BAZ2B: variants seen among roughly 807,000 people sequenced by gnomAD.
BAZ2B encodes the protein bromodomain adjacent to zinc finger domain 2B, also known as bromodomain adjacent to zinc finger domain protein 2B.
A neutral mutation model predicts 246.0 loss-of-function variants in BAZ2B; 91 were observed. The ratio of observed to expected loss-of-function variants is 0.37; its 90% CI spans 0.31 to 0.44. The LOEUF (loss-of-function observed/expected upper bound fraction) is 0.44, where lower values mean the gene tolerates loss of function less well. Among genes scored for constraint, BAZ2B ranks in the 20% least tolerant of loss-of-function variants. The probability of loss-of-function intolerance (pLI) is 1.00; values close to 1 mark genes in which losing one functional copy is unlikely to be tolerated. For synonymous variants in BAZ2B, 855 were observed against 860.0 expected (o/e 0.99, Z 0.10); for missense variants, 2,332 against 2,533.7 (o/e 0.92, Z 1.71).
intron 2 of BAZ2B, among the ~76,000 whole-genome samples, chr2:159,520,297 C>T (rs891533776): frequency 1.3e-5 from 2 of 152,082 alleles, no homozygotes; most frequent in African/African-American, 2.4e-5. Flanking sequence ...AAATTTATGT[C>T]CTCCTGCCTC....
intron 13 of BAZ2B, among the ~76,000 whole-genome samples, chr2:159,418,407 C>T (rs1001010129): frequency 1.3e-5 from 2 of 152,088 alleles, no homozygotes; most frequent in Admixed American, 6.6e-5. Flanking sequence ...TTCACCTTAT[C>T]TTATAGACAG....
chr2:159,627,517 T>C, the BAZ2B span, among the ~76,000 whole-genome samples: 5 of 152,090 alleles, frequency 3.3e-5, no homozygotes, highest in African/African-American at 1.2e-4. Flanking sequence ...GTTCAACATA[T>C]GCAAATCAAT....
the BAZ2B span, among the ~76,000 whole-genome samples, chr2:159,622,145 T>C: frequency 6.7e-6 from 1 of 150,000 alleles, no homozygotes; most frequent in African/African-American, 2.5e-5. Flanking sequence ...GGTGCATGCA[T>C]GTAGTCCTAG....
intron 14 of BAZ2B, among the ~76,000 whole-genome samples, chr2:159,408,452 T>C (rs910646159): frequency 1.3e-5 from 2 of 152,110 alleles, no homozygotes; most frequent in Non-Finnish European, 2.9e-5. Flanking sequence ...ATTACACAGG[T>C]ATAAGCCACT....
At chr2:159,322,938 C>G (rs2148747404) in intron 36 of BAZ2B, among the ~76,000 whole-genome samples, 1 of 152,128 alleles carries the variant, frequency 6.6e-6, no homozygotes, top group African/African-American at 2.4e-5. Flanking sequence ...TTCTCTTCCC[C>G]TGTGACTTCC....
At chr2:159,374,656 TGAA>T (rs1488252811) in intron 26 of BAZ2B, 32 bp downstream of exon 26, 2 of 1,566,356 alleles carry the variant, frequency 1.3e-6, no homozygotes, top group Non-Finnish European at 1.8e-6. Context: ...TAAAACACTG[TGAA>T]GAAGTTAAAT....
the BAZ2B span, among the ~76,000 whole-genome samples, chr2:159,707,282 G>A: frequency 2.6e-5 from 4 of 152,272 alleles, no homozygotes; most frequent in South Asian, 6.2e-4. Flanking sequence ...GGGCATCGTG[G>A]ATCGCACCTA....
chr2:159,333,891 G>A (rs536688175), intron 33 of BAZ2B, among the ~76,000 whole-genome samples: 9 of 152,064 alleles, frequency 5.9e-5, no homozygotes, highest in East Asian at 3.9e-4. Context: ...ACATTGGCGC[G>A]GTTACCAAGG....
chr2:159,379,725 C>T (rs2061784033), intron 25 of BAZ2B, among the ~76,000 whole-genome samples: 1 of 152,162 alleles, frequency 6.6e-6, no homozygotes, highest in South Asian at 2.1e-4. Flanking sequence ...ATAAATTCAT[C>T]TCTCAGCTTT....
the BAZ2B span, among the ~76,000 whole-genome samples, chr2:159,686,771 G>A: frequency 5.9e-5 from 9 of 152,114 alleles, no homozygotes; most frequent in Non-Finnish European, 1.2e-4. Context: ...GGCCAGGCGT[G>A]GTGGCTCACA....
At chr2:159,643,984 C>T in the BAZ2B span, among the ~76,000 whole-genome samples, 1 of 151,708 alleles carries the variant, frequency 6.6e-6, no homozygotes, top group South Asian at 2.1e-4. Flanking sequence ...GTGGCTGTCA[C>T]ATGTATTACT....
At chr2:159,564,309 G>A (rs1189663553) in intron 1 of BAZ2B, among the ~76,000 whole-genome samples, 1 of 152,128 alleles carries the variant, frequency 6.6e-6, no homozygotes, top group African/African-American at 2.4e-5. Context: ...AGACCACAGA[G>A]GGCCTGGAAA....
the BAZ2B span, among the ~76,000 whole-genome samples, chr2:159,638,271 C>T: frequency 6.6e-6 from 1 of 152,164 alleles, no homozygotes; most frequent in African/African-American, 2.4e-5. Flanking sequence ...TTCTCAAGAA[C>T]GACAGGCACA....
intron 1 of BAZ2B, among the ~76,000 whole-genome samples, chr2:159,601,329 C>G (rs1172628904): frequency 6.6e-6 from 1 of 151,848 alleles, no homozygotes; most frequent in East Asian, 1.9e-4. Flanking sequence ...TTTAAAAAGT[C>G]TAAAGAATCA....
At chr2:159,406,562 T>C (rs1160660111) in intron 14 of BAZ2B, among the ~76,000 whole-genome samples, 2 of 152,172 alleles carry the variant, frequency 1.3e-5, no homozygotes, top group Non-Finnish European at 2.9e-5. Flanking sequence ...TGGTATATAA[T>C]ATTACTCATA....
intron 2 of BAZ2B, among the ~76,000 whole-genome samples, chr2:159,523,480 C>A (rs1009061242): frequency 1.3e-5 from 2 of 151,724 alleles, no homozygotes; most frequent in Admixed American, 1.3e-4. Flanking sequence ...TCGAGGCGGG[C>A]GGATCACAAG....
In BAZ2B at chr2:159,432,984, A is replaced by G. The variant is rs576080791; in HGVS notation, c.1673T>C (p.Ile558Thr). 13 of 1,614,018 alleles carry G rather than the reference A, an allele frequency of 8.1e-6. No individual in the cohort carries two copies. Among genetic ancestry groups the G allele is most frequent in the Non-Finnish European group, 1.1e-5 (13 of 1,180,032 alleles). The change falls in exon 9 of 37, where the codon ATC becomes ACC. Residue 558 changes from isoleucine (I) to threonine (T), a missense_variant. Ile to Thr is a moderately conservative substitution (Grantham distance 89, BLOSUM62 -1). This residue lies in a region of BAZ2B where 651 missense variants were observed against 650.9 expected (regional missense o/e 1.00). Transcript: ENST00000392783. ...TTTTTCCTTCCCTTGACTATGCAGG[A>G]TGGGAGAGGCAGAGGGCATTACAGG... ...QTPVMPSASPILHSQGKEKAV... is the reference protein window; with the variant it reads ...QTPVMPSASPTLHSQGKEKAV...
chr2:159,682,192 T>TC, the BAZ2B span, among the ~76,000 whole-genome samples: 3 of 75,576 alleles, frequency 4.0e-5, no homozygotes, highest in African/African-American at 1.1e-4. Context: ...GCTCAGGCTC[T>TC]TTTTTTTTTT....
chr2:159,332,751 A>G, intron 33 of BAZ2B, 65 bp from the exon 34 acceptor site: 1 of 1,539,088 alleles, frequency 6.5e-7, no homozygotes, highest in South Asian at 1.2e-5. Flanking sequence ...TTGGGATGTT[A>G]AACACACCAT....
Sources: gnomAD v4.1 joint callset for allele counts (sites outside exome capture counted in the v4.1 genomes callset) on GRCh38, gnomAD v4.1.1 for gene constraint, gnomAD v4.1.1 regional missense constraint, MANE v1.5 for transcripts, NCBI Gene and HGNC (gene_info 2026-07-23, HGNC 2026-07-21) for gene names.